The following CFAP299 variants were observed in gnomAD, a reference collection of about 807,000 sequenced individuals.
CFAP299 encodes cilia- and flagella-associated protein 299.
CFAP299 carries 21 observed loss-of-function variants against 27.0 expected under a neutral mutation model. The ratio of observed to expected loss-of-function variants is 0.78; its 90% CI spans 0.55 to 1.12. The LOEUF is 1.12. Among genes scored for constraint, CFAP299 ranks in the 50% most tolerant of loss-of-function variants. The pLI is 0.00. For missense variants in CFAP299, 310 were observed against 276.6 expected, an observed-to-expected ratio of 1.12 and a Z score of -0.86; for synonymous variants, 104 against 98.1, an observed-to-expected ratio of 1.06 and a Z score of -0.36.
intron 3 of CFAP299, among the ~76,000 whole-genome samples, chr4:80,808,222 A>G (rs1026259383): frequency 6.6e-6 from 1 of 152,150 alleles, no homozygotes; most frequent in African/African-American, 2.4e-5. Context: ...TCTAAAATGA[A>G]TATGTTGACC....
At chr4:80,380,054 C>A (rs1341801889) in intron 2 of CFAP299, among the ~76,000 whole-genome samples, 2 of 152,092 alleles carry the variant, frequency 1.3e-5, no homozygotes, top group East Asian at 3.9e-4. Flanking sequence ...AAAATACTAT[C>A]TTTTTGATTT....
At chr4:80,929,180 C>A (rs1291228689) in intron 4 of CFAP299, among the ~76,000 whole-genome samples, 1 of 152,086 alleles carries the variant, frequency 6.6e-6, no homozygotes, top group Non-Finnish European at 1.5e-5. Flanking sequence ...GTCTCTATGG[C>A]AACACTACCC....
At chr4:80,579,929 G>A (rs939553718) in intron 2 of CFAP299, among the ~76,000 whole-genome samples, 1 of 152,022 alleles carries the variant, frequency 6.6e-6, no homozygotes, top group Admixed American at 6.6e-5. Flanking sequence ...TATCTGTAAA[G>A]CTCTAAAAAT....
chr4:80,403,981 C>T (rs903565655), intron 2 of CFAP299, among the ~76,000 whole-genome samples: 25 of 152,054 alleles, frequency 1.6e-4, no homozygotes, highest in Non-Finnish European at 3.2e-4. Flanking sequence ...AATGTTTAGT[C>T]AGAATTGACA....
intron 3 of CFAP299, among the ~76,000 whole-genome samples, chr4:80,818,892 G>C (rs1262887712): frequency 6.6e-6 from 1 of 152,072 alleles, no homozygotes; most frequent in Admixed American, 6.6e-5. Flanking sequence ...GAAGCACATT[G>C]AAGGGAGATA....
chr4:80,404,018 G>A (rs1225576185), intron 2 of CFAP299, among the ~76,000 whole-genome samples: 1 of 152,010 alleles, frequency 6.6e-6, no homozygotes, highest in African/African-American at 2.4e-5. Context: ...GATACCCGTG[G>A]CCTAGCCTAA....
intron 3 of CFAP299, among the ~76,000 whole-genome samples, chr4:80,835,302 G>A (rs939649290): frequency 1.8e-4 from 28 of 151,970 alleles, no homozygotes; most frequent in African/African-American, 6.8e-4. Context: ...GTTTCACCAT[G>A]TTAGCCAGGG....
chr4:80,807,709 A>C (rs1728936038), intron 3 of CFAP299, among the ~76,000 whole-genome samples: 1 of 152,130 alleles, frequency 6.6e-6, no homozygotes, highest in Non-Finnish European at 1.5e-5. Flanking sequence ...TAAATATAAT[A>C]AAATGCATTT....
At chr4:80,416,444 G>A (rs1727009286) in intron 2 of CFAP299, among the ~76,000 whole-genome samples, 1 of 152,092 alleles carries the variant, frequency 6.6e-6, no homozygotes, top group African/African-American at 2.4e-5. Context: ...TGCATTAAAA[G>A]CAGATATAGC....
intron 5 of CFAP299, among the ~76,000 whole-genome samples, chr4:80,949,773 G>A (rs578123037): frequency 8.4e-4 from 128 of 152,184 alleles, no homozygotes; most frequent in African/African-American, 3.0e-3. Context: ...GCCTGGAGAG[G>A]TCATCAGAAG....
At chr4:80,945,026 C>A in intron 5 of CFAP299, 87 bp downstream of exon 5, 1 of 1,284,614 alleles carries the variant, frequency 7.8e-7, no homozygotes, top group Non-Finnish European at 1.1e-6. Flanking sequence ...AAATATTTGA[C>A]ACTCTTAAGT....
intron 2 of CFAP299, among the ~76,000 whole-genome samples, chr4:80,376,153 G>A (rs1341231029): frequency 6.6e-6 from 1 of 151,970 alleles, no homozygotes; most frequent in African/African-American, 2.4e-5. Flanking sequence ...TTTTTAGAAT[G>A]TCATATGAAT....
the CFAP299 span, among the ~76,000 whole-genome samples, chr4:80,327,694 A>T: frequency 4.4e-5 from 1 of 22,710 alleles, no homozygotes; most frequent in Non-Finnish European, 1.2e-4. Context: ...GAGAAGTTAT[A>T]TATATATATA....
chr4:80,547,584 A>T (rs564321549), intron 2 of CFAP299, among the ~76,000 whole-genome samples: 1 of 152,290 alleles, frequency 6.6e-6, no homozygotes, highest in Non-Finnish European at 1.5e-5. Context: ...CAGAGTAAAA[A>T]GACAGCCTAC....
At chr4:80,795,129 C>T (rs1727780739) in intron 3 of CFAP299, among the ~76,000 whole-genome samples, 1 of 152,162 alleles carries the variant, frequency 6.6e-6, no homozygotes, top group South Asian at 2.1e-4. Flanking sequence ...CTGCTGAGGT[C>T]ACCCATTGGT....
chr4:80,713,629 C>G (rs1388764792), intron 3 of CFAP299, among the ~76,000 whole-genome samples: 1 of 152,228 alleles, frequency 6.6e-6, no homozygotes, highest in African/African-American at 2.4e-5. Flanking sequence ...CTTACTACAA[C>G]ATTGTAAGTG....
chr4:80,499,579 C>T (rs1731640312), intron 2 of CFAP299, among the ~76,000 whole-genome samples: 1 of 151,904 alleles, frequency 6.6e-6, no homozygotes, highest in African/African-American at 2.4e-5. Flanking sequence ...AGGCATGTCT[C>T]TTTTTAACAG....
At chr4:80,460,273 G>A (rs1310734526) in intron 2 of CFAP299, among the ~76,000 whole-genome samples, 2 of 152,042 alleles carry the variant, frequency 1.3e-5, no homozygotes, top group Admixed American at 6.6e-5. Context: ...AGGGGGAGCC[G>A]GTGTGCCAGG....
chr4:80,339,682 G>A (rs1010174047), intron 1 of CFAP299, among the ~76,000 whole-genome samples: 4 of 152,080 alleles, frequency 2.6e-5, no homozygotes, highest in African/African-American at 9.7e-5. Context: ...ATTTGTTCTG[G>A]GAGTTAGTAT....
Sources: allele counts gnomAD v4.1 joint callset (sites outside exome capture counted in the v4.1 genomes callset), GRCh38; gene constraint gnomAD v4.1.1; transcripts MANE v1.5; gene names NCBI Gene and HGNC (gene_info 2026-07-23, HGNC 2026-07-21).